Variants in KCNIP4 observed in about 807,000 individuals in gnomAD.
KCNIP4 encodes potassium voltage-gated channel interacting protein 4, also known as Kv channel-interacting protein 4.
In KCNIP4, 12 loss-of-function variants were observed where a neutral mutation model predicts 34.0. That is an observed-to-expected ratio of 0.35 (90% CI 0.23 to 0.57). The LOEUF (loss-of-function observed/expected upper bound fraction) is 0.57. Among genes scored for constraint, KCNIP4 ranks in the 20% least tolerant of loss-of-function variants. The pLI, the probability that KCNIP4 is intolerant of heterozygous loss-of-function variation, is 0.83. For synonymous variants in KCNIP4, 124 were observed against 102.2 expected (o/e 1.21, Z -1.29); for missense variants, 238 against 311.7 (o/e 0.76, Z 1.78).
At chr4:21,514,487 G>A (rs1734595635) in intron 1 of KCNIP4, among the ~76,000 whole-genome samples, 1 of 152,130 alleles carries the variant, frequency 6.6e-6, no homozygotes, top group Admixed American at 6.5e-5. Context: ...CAAGTAAAGT[G>A]TATGTTTCCA....
At chr4:20,783,106 C>A (rs537050400) in intron 3 of KCNIP4, among the ~76,000 whole-genome samples, 1 of 152,292 alleles carries the variant, frequency 6.6e-6, no homozygotes, top group East Asian at 1.9e-4. Flanking sequence ...CCAACAAGTT[C>A]CTCATCTCCT....
intron 1 of KCNIP4, among the ~76,000 whole-genome samples, chr4:21,094,964 T>C (rs1403173195): frequency 6.6e-6 from 1 of 152,136 alleles, no homozygotes; most frequent in Non-Finnish European, 1.5e-5. Flanking sequence ...GATACTGCCT[T>C]CTCCATGGTA....
intron 1 of KCNIP4, among the ~76,000 whole-genome samples, chr4:21,722,912 G>A (rs1714924290): frequency 1.3e-5 from 2 of 152,074 alleles, no homozygotes; most frequent in African/African-American, 2.4e-5. Context: ...ACCTTCAAGG[G>A]AATAGTTTTA....
intron 3 of KCNIP4, among the ~76,000 whole-genome samples, chr4:20,778,073 A>C (rs1756533968): frequency 6.6e-6 from 1 of 152,200 alleles, no homozygotes; most frequent in African/African-American, 2.4e-5. Flanking sequence ...AGAGGCATTC[A>C]AGTAACTCAA....
At chr4:21,131,836 A>G (rs960491225) in intron 1 of KCNIP4, among the ~76,000 whole-genome samples, 3 of 152,240 alleles carry the variant, frequency 2.0e-5, no homozygotes, top group African/African-American at 4.8e-5. Context: ...GGTATAAACA[A>G]TATGATAGAT....
intron 2 of KCNIP4, among the ~76,000 whole-genome samples, chr4:20,876,551 C>G (rs113107306): frequency 6.6e-6 from 1 of 152,076 alleles, no homozygotes; most frequent in African/African-American, 2.4e-5. Flanking sequence ...CTCCAAGATG[C>G]CACGGAATTG....
intron 1 of KCNIP4, among the ~76,000 whole-genome samples, chr4:21,711,680 T>C (rs929705142): frequency 3.3e-5 from 5 of 152,232 alleles, no homozygotes; most frequent in African/African-American, 1.2e-4. Context: ...ATTGGATTCC[T>C]TCTGTTACTG....
intron 1 of KCNIP4, among the ~76,000 whole-genome samples, chr4:21,908,853 A>G (rs1391648900): frequency 6.6e-6 from 1 of 152,178 alleles, no homozygotes; most frequent in Non-Finnish European, 1.5e-5. Context: ...AGAAATTAAG[A>G]ACTGGAAATT....
At chr4:21,327,956 C>A (rs1487939456) in intron 1 of KCNIP4, among the ~76,000 whole-genome samples, 1 of 151,958 alleles carries the variant, frequency 6.6e-6, no homozygotes, top group Non-Finnish European at 1.5e-5. Flanking sequence ...TGAATTCCTT[C>A]TCTGGGTTAT....
At chr4:21,689,875 T>C (rs1206543919) in intron 1 of KCNIP4, among the ~76,000 whole-genome samples, 13 of 151,988 alleles carry the variant, frequency 8.6e-5, no homozygotes, top group Non-Finnish European at 2.9e-5. Context: ...TCAGACATTA[T>C]TACATGTTGA....
chr4:21,358,993 C>T (rs1438093031), intron 1 of KCNIP4, among the ~76,000 whole-genome samples: 1 of 152,020 alleles, frequency 6.6e-6, no homozygotes, highest in Non-Finnish European at 1.5e-5. Flanking sequence ...AGCTGTGCTT[C>T]GACCACCTTG....
At chr4:20,798,375 T>C (rs1713756018) in intron 3 of KCNIP4, among the ~76,000 whole-genome samples, 1 of 152,142 alleles carries the variant, frequency 6.6e-6, no homozygotes, top group African/African-American at 2.4e-5. Context: ...GTCTAAAGGA[T>C]AAAAGCGGTA....
intron 1 of KCNIP4, among the ~76,000 whole-genome samples, chr4:21,343,041 C>T (rs563748401): frequency 1.3e-5 from 2 of 152,196 alleles, no homozygotes; most frequent in South Asian, 2.1e-4. Context: ...TAAGAAAATG[C>T]TTCAGCCTGT....
chr4:21,260,356 T>C (rs12639844), intron 1 of KCNIP4, among the ~76,000 whole-genome samples: 83,162 of 152,102 alleles, frequency 0.55, 25,244 homozygotes, highest in African/African-American at 0.83. Context: ...CAGGGGACTA[T>C]ACATAGCTAT....
At position 21,697,759 on chromosome 4, in the gene KCNIP4, C is replaced by T. The variant is rs1008455052; in HGVS notation, c.61+250812G>A. ...CAGCTCTGGTTCGGCTCGGCATCCC[C>T]TCTCCAGAAGCAGTTGCAACCTCAC... On this transcript the variant is annotated intron_variant, in intron 1 of 8. Coordinates refer to ENST00000382152, the MANE Select transcript of KCNIP4 (RefSeq NM_025221.6). 1.2e-5 allele frequency: 11 copies of T among 880,048 alleles called. No homozygotes were observed. The South Asian group carries it at 3.9e-4, about 32-fold the overall frequency. The allele number at this position is 880,048 out of a possible 1,614,324, so 54.5% of individuals were successfully genotyped here. A position where few individuals can be genotyped will look rare whatever the true frequency, so the allele number is the denominator to read the frequency against.
intron 1 of KCNIP4, among the ~76,000 whole-genome samples, chr4:21,772,824 T>C (rs1404158019): frequency 6.6e-6 from 1 of 152,200 alleles, no homozygotes; most frequent in Non-Finnish European, 1.5e-5. Flanking sequence ...GCTTTATTAG[T>C]CTAGCTAGCA....
chr4:20,748,560 T>A lies in KCNIP4; in HGVS notation c.429+1102A>T, dbSNP rs34545035. 5.5e-3 allele frequency among the ~76,000 whole-genome samples: 355 copies of A among 64,750 alleles called. 21 individuals are homozygous for A. The highest frequency in any genetic ancestry group is 0.013 in the African/African-American group (190 of 14,172). 42.5% of individuals were successfully genotyped at this position (64,750 alleles called of 152,430 possible). ...CAAAAATAAATGCACCTTCCAAATT[T>A]TATATATATATATATATATATATAT... On this transcript the variant is annotated intron_variant, in intron 5 of 8. Coordinates refer to ENST00000382152, the MANE Select transcript of KCNIP4 (RefSeq NM_025221.6).
At chr4:21,027,278 T>C (rs1004836925) in intron 1 of KCNIP4, among the ~76,000 whole-genome samples, 1 of 152,164 alleles carries the variant, frequency 6.6e-6, no homozygotes, top group Non-Finnish European at 1.5e-5. Context: ...GTATTTATTA[T>C]GGATTGTCTA....
At chr4:21,372,936 A>G (rs1720620929) in intron 1 of KCNIP4, among the ~76,000 whole-genome samples, 1 of 146,126 alleles carries the variant, frequency 6.8e-6, no homozygotes, top group South Asian at 2.1e-4. Flanking sequence ...TATGAAACTT[A>G]GCTGTGCCTC....
Sources: gnomAD v4.1 joint callset for allele counts (sites outside exome capture counted in the v4.1 genomes callset) on GRCh38, gnomAD v4.1.1 for gene constraint, MANE v1.5 for transcripts, NCBI Gene and HGNC (gene_info 2026-07-23, HGNC 2026-07-21) for gene names.